MCMDC2: variants seen among roughly 807,000 people sequenced by gnomAD.
MCMDC2 encodes minichromosome maintenance domain containing 2.
MCMDC2 carries 54 observed loss-of-function variants against 75.8 expected under a neutral mutation model. That is an observed-to-expected ratio of 0.71 (90% confidence interval 0.57 to 0.89). The LOEUF (loss-of-function observed/expected upper bound fraction) is 0.89. Ranked by LOEUF, MCMDC2 falls within the 40% of genes least tolerant of loss-of-function variation. MCMDC2 has a pLI of 0.00. For synonymous variants in MCMDC2, 249 were observed against 274.6 expected (o/e 0.91, Z 0.92); for missense variants, 656 against 780.4 (o/e 0.84, Z 1.90).
At position 66,908,921 on chromosome 8, in the gene MCMDC2, G is replaced by A. The variant is rs139964584; in HGVS notation, c.1879+3586G>A. On this transcript the variant is annotated intron_variant, in intron 14 of 14. Coordinates refer to ENST00000422365, the MANE Select transcript of MCMDC2 (RefSeq NM_173518.5). ...AGCTACCACGCCCAGCCATATGGCT[G>A]AATATATTTACTTAGTGACTGACAC... Among the ~76,000 whole-genome samples, 10 of 152,202 alleles carry A rather than the reference G, an allele frequency of 6.6e-5. No individual in the cohort carries two copies. In the East Asian group the frequency reaches 1.5e-3, roughly 24 times the overall value.
chr8:66,905,377 A>T (rs1231166019), intron 14 of MCMDC2, 42 bp downstream of exon 14: 1 of 1,362,234 alleles, frequency 7.3e-7, no homozygotes, highest in East Asian at 2.9e-5. Flanking sequence ...AATAACTTTT[A>T]TTTAACCTTA....
At chr8:66,882,227 A>G (rs1811612404) in intron 8 of MCMDC2, among the ~76,000 whole-genome samples, 1 of 152,204 alleles carries the variant, frequency 6.6e-6, no homozygotes, top group Admixed American at 6.5e-5. Flanking sequence ...AGGTTGATTG[A>G]TCTAAGGGCA....
At chr8:66,878,460 A>G in intron 5 of MCMDC2, 114 bp from the exon 6 acceptor site, 12 of 985,806 alleles carry the variant, frequency 1.2e-5, no homozygotes, top group Non-Finnish European at 1.7e-5. Flanking sequence ...CTGTGTCAGT[A>G]ATAAAAGAAA....
At chr8:66,890,555 C>T (rs79907083) in intron 9 of MCMDC2, among the ~76,000 whole-genome samples, 2,778 of 152,166 alleles carry the variant, frequency 0.018, 87 homozygotes, top group African/African-American at 0.062. Context: ...GAGACAGAAT[C>T]TCACTCTGTT....
At chr8:66,918,332 A>G (rs933441158) in intron 14 of MCMDC2, among the ~76,000 whole-genome samples, 1 of 151,794 alleles carries the variant, frequency 6.6e-6, no homozygotes, top group African/African-American at 2.4e-5. Context: ...TTCACTGTTG[A>G]TTGTATTGTT....
At chr8:66,900,147 A>G (rs1812584743) in intron 12 of MCMDC2, among the ~76,000 whole-genome samples, 1 of 150,808 alleles carries the variant, frequency 6.6e-6, no homozygotes, top group Non-Finnish European at 1.5e-5. Flanking sequence ...AAATAAATAA[A>G]TAAAATAGGC....
chr8:66,878,594 C>T lies in MCMDC2; in HGVS notation c.502C>T (p.His168Tyr). Residue 168 changes from histidine to tyrosine, a missense_variant, in exon 6 of 15, where the codon CAT becomes TAT. Transcript: ENST00000422365. ...TTCAGGATTTCAGTATATAAGAGTG[C>T]ATGTGCCTGGTGCTACAGAATCTGC... is the stretch of plus-strand genomic sequence containing the variant. ...LSKGFQYIRV[H>Y]VPGATESATI... 1 of 1,577,974 alleles carries T rather than the reference C, an allele frequency of 6.3e-7. No homozygotes were observed.
intron 14 of MCMDC2, among the ~76,000 whole-genome samples, chr8:66,910,961 G>A (rs1159324329): frequency 6.6e-6 from 1 of 152,204 alleles, no homozygotes; most frequent in Non-Finnish European, 1.5e-5. Context: ...ACTTGCTTTT[G>A]ATTTTACAGG....
At chr8:66,898,128 T>C (rs1267232974) in intron 12 of MCMDC2, among the ~76,000 whole-genome samples, 1 of 152,164 alleles carries the variant, frequency 6.6e-6, no homozygotes, top group East Asian at 1.9e-4. Flanking sequence ...AAGTAGTCTG[T>C]AGGAGTTAGG....
At position 66,920,959 on chromosome 8, in the gene MCMDC2, A is replaced by C. The variant is rs932773040; in HGVS notation, c.*1790A>C. The C allele has an allele frequency of 3.3e-5, 5 of 152,110 alleles. No homozygotes were observed. Among genetic ancestry groups the C allele is most frequent in the Non-Finnish European group, 7.4e-5 (5 of 68,022 alleles). The allele number at this position is 152,110 out of a possible 1,614,324, so 9.4% of individuals were successfully genotyped here. ...GGATTACAGGAGTGAGCCACCATGCATGGCACAAAGATGGCTTTTATTTAC... is the reference window on the plus strand; with the variant it reads ...GGATTACAGGAGTGAGCCACCATGCCTGGCACAAAGATGGCTTTTATTTAC... On this transcript the variant is annotated 3_prime_UTR_variant, in exon 15 of 15. Transcript: ENST00000422365.
chr8:66,893,859 T>A (rs1273449130), intron 10 of MCMDC2, among the ~76,000 whole-genome samples: 2 of 108,446 alleles, frequency 1.8e-5, no homozygotes, highest in African/African-American at 6.5e-5. Context: ...TCGGTACAAC[T>A]GCACTTGGTT....
chr8:66,871,165 C>A (rs1810997744), intron 1 of MCMDC2, among the ~76,000 whole-genome samples: 1 of 152,150 alleles, frequency 6.6e-6, no homozygotes, highest in Non-Finnish European at 1.5e-5. Context: ...CGCGTCCACT[C>A]CCCAGGGCCT....
intron 14 of MCMDC2, among the ~76,000 whole-genome samples, chr8:66,907,827 A>G (rs1812965293): frequency 6.6e-6 from 1 of 152,278 alleles, no homozygotes; most frequent in South Asian, 2.1e-4. Flanking sequence ...ATGACTAGTG[A>G]TGATGAGCTT....
intron 5 of MCMDC2, 97 bp downstream of exon 5, chr8:66,877,641 G>T: frequency 1.2e-6 from 1 of 834,744 alleles, no homozygotes; most frequent in Non-Finnish European, 1.8e-6. Context: ...GAGGAGGGAG[G>T]ATCACCTGAG....
At chr8:66,886,374 C>T (rs966968094) in intron 9 of MCMDC2, among the ~76,000 whole-genome samples, 4 of 151,802 alleles carry the variant, frequency 2.6e-5, no homozygotes, top group East Asian at 1.9e-4. Flanking sequence ...CATATTGGCC[C>T]GGCTAGTCTC....
intron 12 of MCMDC2, among the ~76,000 whole-genome samples, chr8:66,900,895 G>T (rs973046604): frequency 6.6e-6 from 1 of 152,202 alleles, no homozygotes; most frequent in African/African-American, 2.4e-5. Context: ...CTATTCAAAG[G>T]AAAGTTAGCT....
intron 8 of MCMDC2, among the ~76,000 whole-genome samples, chr8:66,883,434 C>T (rs983292266): frequency 6.6e-6 from 1 of 152,106 alleles, no homozygotes; most frequent in African/African-American, 2.4e-5. Context: ...CTTCTTCCTT[C>T]TATTACGTTC....
intron 14 of MCMDC2, among the ~76,000 whole-genome samples, chr8:66,912,123 G>A (rs973602045): frequency 1.3e-5 from 2 of 152,188 alleles, no homozygotes; most frequent in African/African-American, 4.8e-5. Flanking sequence ...CATGATTTAT[G>A]GGAGGAGGTT....
chr8:66,904,823 TCTC>T (rs1812841960), intron 13 of MCMDC2, among the ~76,000 whole-genome samples: 1 of 152,202 alleles, frequency 6.6e-6, no homozygotes, highest in South Asian at 2.1e-4. Context: ...AATTCCAAGA[TCTC>T]TTCCAATGCT....
Sources: allele counts gnomAD v4.1 joint callset (sites outside exome capture counted in the v4.1 genomes callset), GRCh38; gene constraint gnomAD v4.1.1; transcripts MANE v1.5; gene names NCBI Gene and HGNC (gene_info 2026-07-23, HGNC 2026-07-21).